The following KCNAB1 variants were observed in gnomAD, a reference collection of about 807,000 sequenced individuals.
The protein encoded by KCNAB1 is voltage-gated potassium channel subunit beta-1.
In KCNAB1, 35 loss-of-function variants were observed where a neutral mutation model predicts 64.6. The ratio of observed to expected loss-of-function variants is 0.54; its 90% CI spans 0.41 to 0.72. The LOEUF (loss-of-function observed/expected upper bound fraction) is 0.72, where lower values mean the gene tolerates loss of function less well. Ranked by LOEUF, KCNAB1 falls within the 30% of genes least tolerant of loss-of-function variation. The pLI, the probability that KCNAB1 is intolerant of heterozygous loss-of-function variation, is 0.00. For missense variants in KCNAB1, 401 were observed against 512.9 expected (o/e 0.78, Z 2.11); for synonymous variants, 177 against 183.8 (o/e 0.96, Z 0.30).
At chr3:156,370,888 C>T (rs1263342745) in intron 1 of KCNAB1, among the ~76,000 whole-genome samples, 3 of 152,124 alleles carry the variant, frequency 2.0e-5, no homozygotes, top group South Asian at 2.1e-4. Flanking sequence ...TGGCGGCAGG[C>T]GGCACAGGAA....
At chr3:156,273,773 A>G (rs1444565720) in intron 1 of KCNAB1, 4 of 410,584 alleles carry the variant, frequency 9.7e-6, no homozygotes, top group African/African-American at 6.1e-5. Flanking sequence ...AGGATGATCA[A>G]TGGAGGCTTC....
intron 1 of KCNAB1, among the ~76,000 whole-genome samples, chr3:156,316,564 A>C (rs538826769): frequency 6.4e-4 from 98 of 152,364 alleles, no homozygotes; most frequent in Non-Finnish European, 6.8e-4. Flanking sequence ...GAGAAAATTT[A>C]ATAAGGGATA....
chr3:156,175,277 T>C (rs1248631176), intron 1 of KCNAB1, among the ~76,000 whole-genome samples: 1 of 151,962 alleles, frequency 6.6e-6, no homozygotes, highest in East Asian at 1.9e-4. Flanking sequence ...ATTTGTCACA[T>C]TGGGCAGGCA....
intron 1 of KCNAB1, among the ~76,000 whole-genome samples, chr3:156,124,476 C>A (rs1713534106): frequency 6.6e-6 from 1 of 152,052 alleles, no homozygotes. Flanking sequence ...CTTAGCCTCC[C>A]AAAGAGCTGG....
At position 156,349,014 on chromosome 3, in the gene KCNAB1, C is replaced by T. The variant is rs941576681; in HGVS notation, c.276-72602C>T. On this transcript the variant is annotated intron_variant, in intron 1 of 13. Coordinates refer to ENST00000490337, the MANE Select transcript of KCNAB1 (RefSeq NM_172160.3). The stretch of plus-strand genomic sequence containing the variant: ...TACTGAAGAACGTTATAAGAAATCA[C>T]GCAAGAAACATCCTGGTGTTTCGCA... 5.9e-5 allele frequency among the ~76,000 whole-genome samples: 9 copies of T among 152,184 alleles called. No homozygotes were observed. In the East Asian group the frequency reaches 7.7e-4, roughly 13 times the overall value.
At chr3:156,400,925 C>A (rs1003433534) in intron 1 of KCNAB1, among the ~76,000 whole-genome samples, 12 of 152,194 alleles carry the variant, frequency 7.9e-5, no homozygotes, top group Non-Finnish European at 1.0e-4. Flanking sequence ...TGTTTATTTA[C>A]TTGTCCTCCC....
chr3:156,435,950 G>A (rs774252073), intron 2 of KCNAB1, among the ~76,000 whole-genome samples: 2 of 152,224 alleles, frequency 1.3e-5, no homozygotes, highest in African/African-American at 2.4e-5. Context: ...TACATGTGCA[G>A]GATGTGCAAG....
At chr3:156,384,527 C>CA (rs1335460300) in intron 1 of KCNAB1, among the ~76,000 whole-genome samples, 2 of 151,380 alleles carry the variant, frequency 1.3e-5, no homozygotes, top group Non-Finnish European at 2.9e-5. Flanking sequence ...AGTGCAAAAG[C>CA]AAAAAAAGTC....
chr3:156,431,214 CCTGA>C (rs1716187971), intron 2 of KCNAB1, among the ~76,000 whole-genome samples: 2 of 152,176 alleles, frequency 1.3e-5, no homozygotes, highest in Non-Finnish European at 2.9e-5. Context: ...TAAGCAGCAG[CCTGA>C]CTAAGGCACA....
intron 13 of KCNAB1, among the ~76,000 whole-genome samples, chr3:156,532,729 A>C (rs1255941518): frequency 1.3e-5 from 2 of 152,032 alleles, no homozygotes; most frequent in African/African-American, 2.4e-5. Flanking sequence ...CATAACTCCT[A>C]CTGGATTCTG....
rs775378388 is a variant in KCNAB1, at chr3:156,515,228, T to C, written c.865+8T>C. The C allele has an allele frequency of 3.8e-6, 6 of 1,599,312 alleles. No individual in the cohort carries two copies. On this transcript the variant is annotated splice_region_variant and intron_variant, in intron 10 of 13. Coordinates refer to ENST00000490337, the MANE Select transcript of KCNAB1 (RefSeq NM_172160.3). ...AGCTCTACCACAAAATAGGTAATCT[T>C]CAAAATAAAAGCTACTGAGTATTTT...
At chr3:156,520,903 G>C (rs1392292685) in intron 11 of KCNAB1, among the ~76,000 whole-genome samples, 1 of 152,072 alleles carries the variant, frequency 6.6e-6, no homozygotes, top group African/African-American at 2.4e-5. Context: ...TCTGTCCATG[G>C]CTCCAGTTTC....
Position 156,349,703 on chromosome 3 carries a change from G to A in KCNAB1, c.276-71913G>A, listed in dbSNP as rs140312340. 7.8e-3 allele frequency among the ~76,000 whole-genome samples: 1,183 copies of A among 152,184 alleles called. 16 individuals carry two copies. The highest frequency in any genetic ancestry group is 0.027 in the African/African-American group (1,129 of 41,520). ...AGCCTCCTGAGTAGCTGCGACCACAGGCAAGTGCCAGTAAACCCAGCAAAG... is the reference window on the plus strand; with the variant it reads ...AGCCTCCTGAGTAGCTGCGACCACAAGCAAGTGCCAGTAAACCCAGCAAAG... On this transcript the variant is annotated intron_variant, in intron 1 of 13. Coordinates refer to ENST00000490337, the MANE Select transcript of KCNAB1 (RefSeq NM_172160.3).
chr3:156,468,261 A>G (rs917861073), intron 7 of KCNAB1, among the ~76,000 whole-genome samples: 21 of 152,320 alleles, frequency 1.4e-4, no homozygotes, highest in Middle Eastern at 3.4e-3. Flanking sequence ...CAATCACTGA[A>G]TTTAAAATGA....
chr3:156,222,545 A>G (rs1416917048), intron 1 of KCNAB1, among the ~76,000 whole-genome samples: 1 of 152,190 alleles, frequency 6.6e-6, no homozygotes, highest in African/African-American at 2.4e-5. Context: ...ACAGAGAAAC[A>G]ATGGACTTAA....
At chr3:156,172,400 C>T (rs1712060443) in intron 1 of KCNAB1, among the ~76,000 whole-genome samples, 1 of 152,084 alleles carries the variant, frequency 6.6e-6, no homozygotes, top group African/African-American at 2.4e-5. Flanking sequence ...GTGCCTCAGC[C>T]TCCTGAGTAG....
chr3:156,332,670 A>G (rs1315429273), intron 1 of KCNAB1, among the ~76,000 whole-genome samples: 1 of 152,202 alleles, frequency 6.6e-6, no homozygotes, highest in African/African-American at 2.4e-5. Flanking sequence ...CCCTCCAGCA[A>G]TCAGAGCACA....
At chr3:156,123,343 T>C (rs1412164352) in intron 1 of KCNAB1, among the ~76,000 whole-genome samples, 1 of 152,250 alleles carries the variant, frequency 6.6e-6, no homozygotes, top group African/African-American at 2.4e-5. Flanking sequence ...ACTTGTTTCC[T>C]TTCTTGGAAG....
chr3:156,124,484 T>C (rs1713534574), intron 1 of KCNAB1, among the ~76,000 whole-genome samples: 1 of 152,118 alleles, frequency 6.6e-6, no homozygotes, highest in Non-Finnish European at 1.5e-5. Context: ...CCCAAAGAGC[T>C]GGAATTACAG....
Sources: allele counts gnomAD v4.1 joint callset (sites outside exome capture counted in the v4.1 genomes callset), GRCh38; gene constraint gnomAD v4.1.1; transcripts MANE v1.5; gene names NCBI Gene and HGNC (gene_info 2026-07-23, HGNC 2026-07-21).